Variants in NRG1 observed in about 807,000 individuals in gnomAD.
NRG1 encodes the protein pro-neuregulin-1, membrane-bound isoform.
NRG1 carries 18 observed loss-of-function variants against 63.8 expected under a neutral mutation model. The observed-to-expected ratio is 0.28, with a 90% CI of 0.19 to 0.42. The LOEUF is 0.42. Ranked by LOEUF, NRG1 falls within the 10% of genes least tolerant of loss-of-function variation. The probability of loss-of-function intolerance (pLI) is 1.00; values close to 1 mark genes in which losing one functional copy is unlikely to be tolerated. For missense variants in NRG1, 762 were observed against 814.7 expected (o/e 0.94, Z 0.79); for synonymous variants, 302 against 301.3 (o/e 1.00, Z -0.02).
intron 1 of NRG1, among the ~76,000 whole-genome samples, chr8:31,826,248 T>C (rs1586666665): frequency 6.6e-6 from 1 of 152,154 alleles, no homozygotes; most frequent in African/African-American, 2.4e-5. Flanking sequence ...GGAATTTGCT[T>C]TCTGATATGG....
At chr8:31,821,032 A>G (rs1450797324) in intron 1 of NRG1, among the ~76,000 whole-genome samples, 1 of 152,210 alleles carries the variant, frequency 6.6e-6, no homozygotes, top group Non-Finnish European at 1.5e-5. Flanking sequence ...AATCTAGCCC[A>G]CTTTCCTGTA....
chr8:31,956,789 G>A (rs142312659), intron 1 of NRG1, among the ~76,000 whole-genome samples: 1,714 of 152,316 alleles, frequency 0.011, 11 homozygotes, highest in Middle Eastern at 0.051. Context: ...CATTTTCTAT[G>A]ACATTGGTTG....
intron 1 of NRG1, among the ~76,000 whole-genome samples, chr8:31,979,413 A>C (rs1216775349): frequency 6.6e-6 from 1 of 152,062 alleles, no homozygotes; most frequent in Non-Finnish European, 1.5e-5. Flanking sequence ...ACACTGTTCT[A>C]TTCATCAGAA....
At chr8:32,134,838 C>G (rs571373797) in intron 1 of NRG1, among the ~76,000 whole-genome samples, 6 of 152,060 alleles carry the variant, frequency 3.9e-5, no homozygotes, top group Non-Finnish European at 5.9e-5. Context: ...GCTATGATCA[C>G]TCCACTGCAC....
intron 1 of NRG1, among the ~76,000 whole-genome samples, chr8:32,003,978 T>C (rs1310590944): frequency 6.6e-6 from 1 of 152,014 alleles, no homozygotes; most frequent in African/African-American, 2.4e-5. Context: ...TTATTTTTAG[T>C]TTGACCACTT....
At chr8:31,754,308 T>G (rs1458448083) in intron 1 of NRG1, among the ~76,000 whole-genome samples, 1 of 152,130 alleles carries the variant, frequency 6.6e-6, no homozygotes, top group Non-Finnish European at 1.5e-5. Context: ...ATGAAGAGTT[T>G]AGTACTATCC....
chr8:32,427,085 T>C (rs988505711), intron 1 of NRG1, among the ~76,000 whole-genome samples: 5 of 152,096 alleles, frequency 3.3e-5, no homozygotes, highest in African/African-American at 4.8e-5. Flanking sequence ...TTTCTCTAAA[T>C]AGAGTCTTAG....
At chr8:31,681,529 A>G (rs1382468184) in intron 1 of NRG1, among the ~76,000 whole-genome samples, 1 of 152,038 alleles carries the variant, frequency 6.6e-6, no homozygotes, top group Non-Finnish European at 1.5e-5. Context: ...CAAGAGCTGC[A>G]GAGGTATGGG....
chr8:32,549,292 C>A (rs962430540), intron 1 of NRG1, among the ~76,000 whole-genome samples: 1 of 152,242 alleles, frequency 6.6e-6, no homozygotes, highest in Non-Finnish European at 1.5e-5. Flanking sequence ...GTGTGCCTGG[C>A]AGCGCAGAAG....
intron 5 of NRG1, among the ~76,000 whole-genome samples, chr8:32,672,949 A>G (rs1806095468): frequency 1.3e-5 from 2 of 152,228 alleles, no homozygotes; most frequent in Non-Finnish European, 1.5e-5. Context: ...AGCCACAAAC[A>G]ATGAAGTAAT....
intron 1 of NRG1, among the ~76,000 whole-genome samples, chr8:31,847,777 G>A (rs1203825817): frequency 6.6e-6 from 1 of 152,200 alleles, no homozygotes; most frequent in Non-Finnish European, 1.5e-5. Flanking sequence ...ATTTGTGAAT[G>A]TCTAATTTCA....
intron 1 of NRG1, among the ~76,000 whole-genome samples, chr8:32,352,948 G>GTGTA (rs1554516101): frequency 6.9e-5 from 8 of 116,452 alleles, no homozygotes; most frequent in East Asian, 2.1e-4. Context: ...ATGTGTGTGT[G>GTGTA]TATATATATA....
intron 1 of NRG1, among the ~76,000 whole-genome samples, chr8:31,990,722 G>C (rs1810921037): frequency 6.6e-6 from 1 of 151,992 alleles, no homozygotes; most frequent in African/African-American, 2.4e-5. Flanking sequence ...CTTCCTTTGT[G>C]GTCATTCTAA....
intron 1 of NRG1, among the ~76,000 whole-genome samples, chr8:32,136,084 A>G (rs1835483184): frequency 6.6e-6 from 1 of 152,122 alleles, no homozygotes; most frequent in South Asian, 2.1e-4. Context: ...TGCTCATCTT[A>G]CGATCAGAGT....
chr8:31,743,391 T>A (rs1815499529), intron 1 of NRG1, among the ~76,000 whole-genome samples: 5 of 152,126 alleles, frequency 3.3e-5, no homozygotes, highest in South Asian at 4.1e-4. Context: ...TACTATTCCC[T>A]GTTCATGATA....
chr8:31,830,302 T>TTTCCTTCC lies in NRG1; in HGVS notation c.37+190924_37+190931dup, dbSNP rs375861946. 7.9e-3 allele frequency among the ~76,000 whole-genome samples: 974 copies of TTTCCTTCC among 122,686 alleles called. 12 individuals carry two copies. The highest frequency in any genetic ancestry group is 0.015 in the African/African-American group (475 of 31,174). 80.5% of individuals were successfully genotyped at this position (122,686 alleles called of 152,430 possible). ...TATTTTTGATGCAGTGCTCTTCTTT[T>TTTCCTTCC]TTCCTTCCTTCCTTCCTTCCTTCCT... is the stretch of plus-strand genomic sequence containing the variant. On this transcript the variant is annotated intron_variant, in intron 1 of 10. Coordinates refer to the NRG1 transcript ENST00000519301.
At position 31,662,175 on chromosome 8, in the gene NRG1, G is replaced by A. The variant is rs531732354; in HGVS notation, c.37+22744G>A. ...GTAAAGTTAAGTTGTGCAATTAGTGGACAGAGACAGGTAATTTGTGGGCAT... is the reference window on the plus strand; with the variant it reads ...GTAAAGTTAAGTTGTGCAATTAGTGAACAGAGACAGGTAATTTGTGGGCAT... On this transcript the variant is annotated intron_variant, in intron 1 of 10. Transcript: ENST00000519301. Among the ~76,000 whole-genome samples the A allele has an allele frequency of 5.3e-4, 80 of 152,280 alleles. 1 individual carries two copies. The highest frequency in any genetic ancestry group is 1.5e-3 in the South Asian group (7 of 4,824).
At chr8:31,852,685 A>G (rs1391511761) in intron 1 of NRG1, among the ~76,000 whole-genome samples, 1 of 152,110 alleles carries the variant, frequency 6.6e-6, no homozygotes, top group East Asian at 1.9e-4. Context: ...GTCCTTGCCC[A>G]TGCCTATGTC....
chr8:32,016,053 C>T (rs959502408), intron 1 of NRG1, among the ~76,000 whole-genome samples: 6 of 152,100 alleles, frequency 3.9e-5, no homozygotes, highest in Non-Finnish European at 4.4e-5. Flanking sequence ...CACTTAGCCT[C>T]TATATTTTTT....
Sources: allele counts gnomAD v4.1 joint callset (sites outside exome capture counted in the v4.1 genomes callset), GRCh38; gene constraint gnomAD v4.1.1; transcripts MANE v1.5; gene names NCBI Gene and HGNC (gene_info 2026-07-23, HGNC 2026-07-21).